The following ANK3 variants were observed in gnomAD, a reference collection of about 807,000 sequenced individuals.
The protein encoded by ANK3 is ankyrin 3, also known as ankyrin-3.
Under a neutral mutation model 370.9 loss-of-function variants are expected in ANK3, and 57 were observed. The ratio of observed to expected loss-of-function variants is 0.15; its 90% confidence interval spans 0.12 to 0.19. ANK3 has a LOEUF of 0.19. Ranked by LOEUF, ANK3 falls within the 10% of genes least tolerant of loss-of-function variation. The pLI, the probability that ANK3 is intolerant of heterozygous loss-of-function variation, is 1.00. For synonymous variants in ANK3, 1,929 were observed against 1,946.3 expected (o/e 0.99, Z 0.23); for missense variants, 4,439 against 5,302.1 (o/e 0.84, Z 5.06).
chr10:60,137,139 G>C (rs748254226), intron 24 of ANK3, among the ~76,000 whole-genome samples: 1 of 151,834 alleles, frequency 6.6e-6, no homozygotes, highest in African/African-American at 2.4e-5. Context: ...TAAATTTTGC[G>C]TAAGTAATAT....
At chr10:60,329,236 C>T (rs1353846447) in intron 1 of ANK3, among the ~76,000 whole-genome samples, 4 of 152,168 alleles carry the variant, frequency 2.6e-5, no homozygotes, top group Non-Finnish European at 4.4e-5. Flanking sequence ...GACAAGGATG[C>T]CCTCTCTCAC....
intron 1 of ANK3, among the ~76,000 whole-genome samples, chr10:60,641,696 A>T (rs1004846753): frequency 2.6e-5 from 4 of 152,178 alleles, no homozygotes; most frequent in African/African-American, 9.7e-5. Flanking sequence ...AAACCTAGGC[A>T]TTACCATTCA....
intron 2 of ANK3, among the ~76,000 whole-genome samples, chr10:60,596,287 AC>A (rs566224454): frequency 8.0e-4 from 122 of 152,260 alleles, no homozygotes; most frequent in African/African-American, 2.8e-3. Flanking sequence ...TAGATCTTTA[AC>A]AAGCTGTGAA....
At chr10:60,523,530 T>C (rs1290711441) in intron 2 of ANK3, among the ~76,000 whole-genome samples, 1 of 151,844 alleles carries the variant, frequency 6.6e-6, no homozygotes, top group Non-Finnish European at 1.5e-5. Flanking sequence ...CTGAGAATGA[T>C]GATTTCCAGT....
chr10:60,192,182 G>A (rs761090546), intron 16 of ANK3, among the ~76,000 whole-genome samples: 7 of 152,070 alleles, frequency 4.6e-5, no homozygotes, highest in Admixed American at 6.6e-5. Context: ...GTGAGCCACC[G>A]CACCCGGCCT....
chr10:60,092,443 G>A (rs1000986304), intron 28 of ANK3, among the ~76,000 whole-genome samples: 4 of 151,950 alleles, frequency 2.6e-5, no homozygotes, highest in Non-Finnish European at 4.4e-5. Context: ...TTCATTTTAC[G>A]GATCAACCAC....
At chr10:60,505,804 CT>C (rs367684509) in intron 2 of ANK3, among the ~76,000 whole-genome samples, 52 of 151,856 alleles carry the variant, frequency 3.4e-4, no homozygotes, top group African/African-American at 1.2e-3. Context: ...TTAAAAAGCT[CT>C]TTTTTTTGAT....
At chr10:60,290,567 C>G (rs957930418) in intron 1 of ANK3, among the ~76,000 whole-genome samples, 1 of 152,150 alleles carries the variant, frequency 6.6e-6, no homozygotes, top group Non-Finnish European at 1.5e-5. Flanking sequence ...TCAAAACTAA[C>G]TGAAGTAAAA....
intron 1 of ANK3, among the ~76,000 whole-genome samples, chr10:60,632,377 T>C (rs1375246572): frequency 2.0e-5 from 3 of 151,960 alleles, no homozygotes; most frequent in African/African-American, 7.2e-5. Context: ...TTTCCAAAAA[T>C]CTTGACTGTT....
In ANK3 at chr10:60,073,480, C is replaced by G; in HGVS notation, c.7401G>C (p.Met2467Ile). ...ACACATCTAGCTTTTCTGACAGAAGCATTTTCTCAGCAAACCTGTAAGACT... is the reference window on the plus strand; with the variant it reads ...ACACATCTAGCTTTTCTGACAGAAGGATTTTCTCAGCAAACCTGTAAGACT... ...RGESYRFAEK[M>I]LLSEKLDVSH... The change falls in exon 37 of 44, where the codon ATG (methionine) becomes ATC (isoleucine). Residue 2467 changes from methionine to isoleucine, a missense_variant. Transcript: ENST00000280772. The G allele has an allele frequency of 6.2e-7, 1 of 1,614,030 alleles. No individual in the cohort carries two copies. The highest frequency in any genetic ancestry group is 1.3e-5 in the African/African-American group (1 of 75,022).
intron 1 of ANK3, among the ~76,000 whole-genome samples, chr10:60,285,108 G>A (rs770812062): frequency 1.3e-5 from 2 of 152,018 alleles, no homozygotes; most frequent in African/African-American, 2.4e-5. Context: ...CACACAGCCC[G>A]AATCTGCATT....
At chr10:60,228,028 CCAG>C (rs2097189384) in intron 8 of ANK3, among the ~76,000 whole-genome samples, 1 of 152,056 alleles carries the variant, frequency 6.6e-6, no homozygotes. Context: ...ATGACTTTTC[CCAG>C]CAGAAGGCTT....
At chr10:60,102,133 C>G (rs1213583064) in intron 28 of ANK3, among the ~76,000 whole-genome samples, 1 of 149,634 alleles carries the variant, frequency 6.7e-6, no homozygotes, top group Non-Finnish European at 1.5e-5. Context: ...AAAGGGTGCC[C>G]ACTTGGGGTG....
chr10:60,365,262 A>G (rs1237330151), intron 1 of ANK3, among the ~76,000 whole-genome samples: 1 of 151,936 alleles, frequency 6.6e-6, no homozygotes, highest in Non-Finnish European at 1.5e-5. Flanking sequence ...ATATTCAAGA[A>G]ATCAAAAACT....
intron 1 of ANK3, among the ~76,000 whole-genome samples, chr10:60,670,589 G>A (rs551889896): frequency 5.9e-5 from 9 of 152,114 alleles, no homozygotes; most frequent in African/African-American, 1.4e-4. Context: ...ACCAAGAGCC[G>A]GAATATCCCT....
intron 42 of ANK3, among the ~76,000 whole-genome samples, chr10:60,049,779 A>G (rs576829188): frequency 1.3e-5 from 2 of 152,358 alleles, no homozygotes; most frequent in East Asian, 3.9e-4. Flanking sequence ...GTGCATATCT[A>G]GAATTCTAGG....
At chr10:60,201,942 C>T (rs560254069) in intron 12 of ANK3, among the ~76,000 whole-genome samples, 203 of 151,900 alleles carry the variant, frequency 1.3e-3, no homozygotes, top group African/African-American at 4.6e-3. Flanking sequence ...CTTGAATTCC[C>T]GTCCTTAAGT....
At chr10:60,062,859 A>G (rs1427423712) in intron 40 of ANK3, 1 of 281,958 alleles carries the variant, frequency 3.5e-6, no homozygotes, top group Non-Finnish European at 6.5e-6. Flanking sequence ...AATATTAGAA[A>G]TACCAACTCT....
chr10:60,550,562 T>C (rs976382698), intron 2 of ANK3, among the ~76,000 whole-genome samples: 4 of 152,046 alleles, frequency 2.6e-5, no homozygotes, highest in Non-Finnish European at 2.9e-5. Context: ...GGTATTTTCA[T>C]GACAAGGTAT....
Sources: allele counts gnomAD v4.1 joint callset (sites outside exome capture counted in the v4.1 genomes callset), GRCh38; gene constraint gnomAD v4.1.1; transcripts MANE v1.5; gene names NCBI Gene and HGNC (gene_info 2026-07-23, HGNC 2026-07-21).